The following SLC34A3 variants were observed in gnomAD, a reference collection of about 807,000 sequenced individuals.
The protein encoded by SLC34A3 is sodium-dependent phosphate transport protein 2C.
In SLC34A3, 60 loss-of-function variants were observed where a neutral mutation model predicts 43.9. That is an observed-to-expected ratio of 1.37 (90% confidence interval 1.11 to 1.70). The LOEUF (loss-of-function observed/expected upper bound fraction) is 1.70, where lower values mean the gene tolerates loss of function less well. Among genes scored for constraint, SLC34A3 ranks in the 40% most tolerant of loss-of-function variants. The probability of loss-of-function intolerance (pLI) is 0.00; values close to 1 mark genes in which losing one functional copy is unlikely to be tolerated. For missense variants in SLC34A3, 969 were observed against 823.8 expected, an observed-to-expected ratio of 1.18 and a Z score of -2.16; for synonymous variants, 451 against 386.2, an observed-to-expected ratio of 1.17 and a Z score of -1.97.
intron 8 of SLC34A3, 57 bp downstream of exon 8, chr9:137,233,779 T>TACCCCCCCCCCCCCCC: frequency 6.9e-7 from 1 of 1,445,824 alleles, no homozygotes. Flanking sequence ...TGCTGAGTCA[T>TACCCCCCCCCCCCCCC]CCCGCCCCAC....
chr9:137,236,173 T>A lies in SLC34A3; in HGVS notation c.1557T>A (p.Gly519=), dbSNP rs1588852981. The A allele has an allele frequency of 1.9e-6, 3 of 1,606,386 alleles. No individual in the cohort carries two copies. In the Admixed American group the frequency reaches 5.0e-5, roughly 27 times the overall value. The change falls in exon 13 of 13, where the codon GGT becomes GGA. Residue 519 remains glycine, a synonymous_variant. Transcript: ENST00000673835. ...GCATGGAGCTGGCCGCTGTCGGGGGTCCCCTGGTGGGGCTGGTGCTCCTCG... is the reference window on the plus strand; with the variant it reads ...GCATGGAGCTGGCCGCTGTCGGGGGACCCCTGGTGGGGCTGGTGCTCCTCG... ...AGGMELAAVG[G]PLVGLVLLVI...
chr9:137,234,192 G>A lies in SLC34A3; in HGVS notation c.1009G>A (p.Gly337Ser), dbSNP rs35699762. The A allele has an allele frequency of 0.012, 19,714 of 1,605,816 alleles. 416 individuals carry two copies. Among genetic ancestry groups the A allele is most frequent in the East Asian group, 0.071 (3,158 of 44,604 alleles). Residue 337 changes from glycine (G) to serine (S), a missense_variant, in exon 10 of 13, where the codon GGC becomes AGC. Transcript: ENST00000673835. The surrounding 1 kb of genome is among the most constrained non-coding windows in gnomAD (Gnocchi z 6.9). Reference sequence around the variant, plus strand: ...GGCCGGCTCCCTGCTGGTGCTCTGCGGCTGCCTGGTCCTCATAGTCAAGCT... The same window carrying A: ...GGCCGGCTCCCTGCTGGTGCTCTGCAGCTGCCTGGTCCTCATAGTCAAGCT... ...LLAGSLLVLCGCLVLIVKLLN... is the reference protein window; with the variant it reads ...LLAGSLLVLCSCLVLIVKLLN...
At chr9:137,232,456 G>A in intron 3 of SLC34A3, 119 bp from the exon 4 acceptor site, 1 of 1,427,212 alleles carries the variant, frequency 7.0e-7, no homozygotes, top group East Asian at 2.4e-5. Context: ...CGGAAGAGGA[G>A]GAAATGGGAC....
chr9:137,233,779 T>TTGCCCCC, intron 8 of SLC34A3, 57 bp downstream of exon 8: 16 of 1,445,696 alleles, frequency 1.1e-5, no homozygotes, highest in East Asian at 2.3e-5. Context: ...TGCTGAGTCA[T>TTGCCCCC]CCCGCCCCAC....
At position 137,234,036 on chromosome 9, in the gene SLC34A3, C is replaced by A; in HGVS notation, c.926-73C>A. Reference sequence around the variant, plus strand: ...GAACAGCACAGCCCCGGCGGACAGGCTGCCCTGTGAGGCCCGGCCCACCCC... The same window carrying A: ...GAACAGCACAGCCCCGGCGGACAGGATGCCCTGTGAGGCCCGGCCCACCCC... On this transcript the variant is annotated intron_variant, in intron 9 of 12. Coordinates refer to ENST00000673835, the MANE Select transcript of SLC34A3 (RefSeq NM_001177316.2). The surrounding 1 kb of genome is among the most constrained non-coding windows in gnomAD (Gnocchi z 6.9). 6.6e-7 allele frequency: 1 copy of A among 1,510,810 alleles called. No individual in the cohort carries two copies. Among genetic ancestry groups the A allele is most frequent in the Non-Finnish European group, 8.9e-7 (1 of 1,125,504 alleles). 93.6% of individuals were successfully genotyped at this position (1,510,810 alleles called of 1,614,324 possible). A position where few individuals can be genotyped will look rare whatever the true frequency, so the allele number is the denominator to read the frequency against.
intron 6 of SLC34A3, 38 bp from the exon 7 acceptor site, chr9:137,233,170 GC>G (rs1226831599): frequency 3.2e-6 from 5 of 1,555,098 alleles, no homozygotes; most frequent in Middle Eastern, 2.3e-4. Flanking sequence ...CCCAGCCCGG[GC>G]CCCCCCACCT....
chr9:137,230,404 G>A (rs914576132), upstream of SLC34A3, among the ~76,000 whole-genome samples: 3 of 152,118 alleles, frequency 2.0e-5, no homozygotes, highest in East Asian at 1.9e-4. Flanking sequence ...TGCCCTCCCC[G>A]GCTACGTGAA....
Position 137,233,646 on chromosome 9 carries a change from T to C in SLC34A3, c.770T>C (p.Met257Thr). The change falls in exon 8 of 13, where the codon ATG (methionine) becomes ACG (threonine). Residue 257 changes from methionine to threonine, a missense_variant. Physicochemically the swap from Met to Thr is moderately conservative, Grantham distance 81. Transcript: ENST00000673835. Reference sequence around the variant, plus strand: ...TCTGGCCCCCAGTTGGACTCCGACATGATCATGAGCAGTGCCACAGGCAAC... The same window carrying C: ...TCTGGCCCCCAGTTGGACTCCGACACGATCATGAGCAGTGCCACAGGCAAC... ...THLIVQLDSD[M>T]IMSSATGNAT... 1.2e-6 allele frequency: 2 copies of C among 1,612,718 alleles called. No individual in the cohort carries two copies. The highest frequency in any genetic ancestry group is 8.5e-7 in the Non-Finnish European group (1 of 1,179,914).
At chr9:137,233,483 G>A (rs1184146718) in intron 7 of SLC34A3, 79 bp downstream of exon 7, 2 of 1,584,292 alleles carry the variant, frequency 1.3e-6, no homozygotes, top group Admixed American at 1.7e-5. Flanking sequence ...TGCCCTGATG[G>A]AGGGTCAGCG....
rs773374679 is a variant in SLC34A3 at position 137,232,171 on chromosome 9, G to A, written c.175+10G>A. On this transcript the variant is annotated intron_variant, in intron 3 of 12. Transcript: ENST00000673835. ...AGCCAGCCCTGGAAAGGTGGGTCTG[G>A]AGGTTCCGGGGGTGGCAGGCTGGCA... 9.3e-6 allele frequency: 15 copies of A among 1,612,290 alleles called. No homozygotes were observed. In the South Asian group the frequency reaches 1.3e-4, roughly 14 times the overall value.
chr9:137,230,225 T>C (rs1836131191), upstream of SLC34A3, among the ~76,000 whole-genome samples: 1 of 152,092 alleles, frequency 6.6e-6, no homozygotes, highest in Non-Finnish European at 1.5e-5. Flanking sequence ...AACTGTGCGC[T>C]GGGCCAGGCA....
In SLC34A3 at chr9:137,231,758, A is replaced by G. The variant is rs753533178; in HGVS notation, c.56A>G (p.Asp19Gly). Residue 19 changes from aspartate to glycine, a missense_variant, in exon 2 of 13, where the codon GAC becomes GGC. Asp to Gly is a moderately conservative substitution (Grantham distance 94). Coordinates refer to ENST00000673835, the MANE Select transcript of SLC34A3 (RefSeq NM_001177316.2). ...CCCCACCCCACTCTGGACGCGGTTG[A>G]CCTAGTGGAAAAGACTCTGAGGAAT... The part of the protein sequence containing the change: ...QVPHPTLDAV[D>G]LVEKTLRNEG... 3.7e-6 allele frequency: 6 copies of G among 1,613,014 alleles called. No individual in the cohort carries two copies. In the Admixed American group the frequency reaches 1.0e-4, roughly 27 times the overall value.
chr9:137,233,424 C>T lies in SLC34A3; in HGVS notation c.756+20C>T. The T allele has an allele frequency of 6.3e-7, 1 of 1,592,982 alleles. No homozygotes were observed. Among genetic ancestry groups the T allele is most frequent in the South Asian group, 1.1e-5 (1 of 89,404 alleles). On this transcript the variant is annotated intron_variant, in intron 7 of 12. Transcript: ENST00000673835. The stretch of plus-strand genomic sequence containing the variant: ...GTGCAGGTGAGGACGGCCACCGCCC[C>T]CGCCCAGAGAGCCTGAGCAGGCCGG...
At position 137,235,939 on chromosome 9, in the gene SLC34A3, C is replaced by G. The variant is rs762413964; in HGVS notation, c.1336-13C>G. 1.2e-6 allele frequency: 2 copies of G among 1,610,454 alleles called. No homozygotes were observed. Among genetic ancestry groups the G allele is most frequent in the Non-Finnish European group, 1.7e-6 (2 of 1,179,420 alleles). ...CGTTGGGCCCAGGCCCCTGACAGCC[C>G]CCTCGCCCCCAGGTCGCCCTCATCC... On this transcript the variant is annotated splice_polypyrimidine_tract_variant and intron_variant, in intron 12 of 12. Coordinates refer to ENST00000673835, the MANE Select transcript of SLC34A3 (RefSeq NM_001177316.2).
intron 8 of SLC34A3, 61 bp downstream of exon 8, chr9:137,233,783 G>GCCCCCCCCCCCCCCCAC: frequency 1.4e-6 from 1 of 693,574 alleles, no homozygotes. Context: ...GAGTCATCCC[G>GCCCCCCCCCCCCCCCAC]CCCCACCCAC....
chr9:137,233,779 T>TTGGCGCCCCCCCCCCCCCCCCCCCCCA, intron 8 of SLC34A3, 57 bp downstream of exon 8: 1 of 1,445,826 alleles, frequency 6.9e-7, no homozygotes, highest in Non-Finnish European at 9.6e-7. Context: ...TGCTGAGTCA[T>TTGGCGCCCCCCCCCCCCCCCCCCCCCA]CCCGCCCCAC....
In SLC34A3 at chr9:137,231,745, C is replaced by A; in HGVS notation, c.43C>A (p.Leu15Met). 1 of 1,613,230 alleles carries A rather than the reference C, an allele frequency of 6.2e-7. No homozygotes were observed. Among genetic ancestry groups the A allele is most frequent in the East Asian group, 2.2e-5 (1 of 44,884 alleles). Residue 15 changes from leucine to methionine, a missense_variant, in exon 2 of 13, where the codon CTG becomes ATG. Transcript: ENST00000673835. ...LPGSQVPHPTLDAVDLVEKTL... is the reference protein window; with the variant it reads ...LPGSQVPHPTMDAVDLVEKTL... The stretch of plus-strand genomic sequence containing the variant: ...CGGCAGCCAGGTCCCCCACCCCACT[C>A]TGGACGCGGTTGACCTAGTGGAAAA...
rs752171967 is a variant in SLC34A3 at position 137,231,663 on chromosome 9, G to A, written c.-39-1G>A. On this transcript the variant is annotated splice_acceptor_variant, in intron 1 of 12. Transcript: ENST00000673835. LOFTEE classifies it low-confidence loss of function (5UTR_SPLICE). Reference sequence around the variant, plus strand: ...TCTGACACGCGCGTCCCCCCCAGCAGATCTAGACCTGGGCCTGGGTCTGTC... The same window carrying A: ...TCTGACACGCGCGTCCCCCCCAGCAAATCTAGACCTGGGCCTGGGTCTGTC... 36 of 1,558,996 alleles carry A rather than the reference G, an allele frequency of 2.3e-5. No homozygotes were observed. The Admixed American group carries it at 5.8e-4, about 25-fold the overall frequency.
rs1564416667 is a variant in SLC34A3 at position 137,232,778 on chromosome 9, G to C, written c.305-6G>C. Reference sequence around the variant, plus strand: ...CAGCTTCAGCGCACCTCTCTTGCCGGTGTAGGCAAAGTGGCCGGAGACATC... The same window carrying C: ...CAGCTTCAGCGCACCTCTCTTGCCGCTGTAGGCAAAGTGGCCGGAGACATC... On this transcript the variant is annotated splice_region_variant and splice_polypyrimidine_tract_variant and intron_variant, in intron 4 of 12. Transcript: ENST00000673835. 6.2e-7 allele frequency: 1 copy of C among 1,613,064 alleles called. No homozygotes were observed. Among genetic ancestry groups the C allele is most frequent in the South Asian group, 1.1e-5 (1 of 91,092 alleles).
Sources: allele counts gnomAD v4.1 joint callset (sites outside exome capture counted in the v4.1 genomes callset), GRCh38; gene constraint gnomAD v4.1.1; non-coding constraint Gnocchi (gnomAD v3.1); transcripts MANE v1.5; gene names NCBI Gene and HGNC (gene_info 2026-07-23, HGNC 2026-07-21).